The following RORB variants were observed in gnomAD, a reference collection of about 807,000 sequenced individuals.
The protein encoded by RORB is nuclear receptor ROR-beta.
In RORB, 6 loss-of-function variants were observed where a neutral mutation model predicts 59.1. The ratio of observed to expected loss-of-function variants is 0.10; its 90% CI spans 0.06 to 0.20. The LOEUF (loss-of-function observed/expected upper bound fraction) is 0.20, where lower values mean the gene tolerates loss of function less well. Among genes scored for constraint, RORB ranks in the 10% least tolerant of loss-of-function variants. RORB has a pLI of 1.00. For synonymous variants in RORB, 215 were observed against 204.5 expected (o/e 1.05, Z -0.44); for missense variants, 320 against 560.5 (o/e 0.57, Z 4.33).
rs77338003 is a variant in RORB, at chr9:74,550,476, T to C, written c.7+52493T>C. 6.2e-3 allele frequency among the ~76,000 whole-genome samples: 939 copies of C among 152,334 alleles called. 9 individuals carry two copies. The highest frequency in any genetic ancestry group is 0.021 in the African/African-American group (885 of 41,570). On this transcript the variant is annotated intron_variant, in intron 1 of 9. Coordinates refer to ENST00000376896, the MANE Select transcript of RORB (RefSeq NM_006914.4). ...TTTGAAAGCTCTACAAGTGGTCTTA[T>C]CGACTAGCTAGGGTTGAGAAATACT...
intron 1 of RORB, among the ~76,000 whole-genome samples, chr9:74,588,076 A>C (rs1385485415): frequency 6.6e-6 from 1 of 152,168 alleles, no homozygotes; most frequent in Non-Finnish European, 1.5e-5. Flanking sequence ...TTTTTTAAAC[A>C]GTAAGTTTTC....
chr9:74,599,658 T>C (rs1275340673), intron 1 of RORB, among the ~76,000 whole-genome samples: 2 of 152,194 alleles, frequency 1.3e-5, no homozygotes, highest in Non-Finnish European at 2.9e-5. Flanking sequence ...CCAACCACAT[T>C]GTAACCATGT....
At chr9:74,595,109 T>A (rs1023498287) in intron 1 of RORB, among the ~76,000 whole-genome samples, 9 of 152,202 alleles carry the variant, frequency 5.9e-5, no homozygotes, top group Non-Finnish European at 7.3e-5. Flanking sequence ...ACATAAGGTA[T>A]GCTGTGACCT....
intron 1 of RORB, among the ~76,000 whole-genome samples, chr9:74,571,105 A>G (rs1366989164): frequency 6.6e-6 from 1 of 152,112 alleles, no homozygotes; most frequent in Non-Finnish European, 1.5e-5. Flanking sequence ...TCAGTACTGT[A>G]GTTATTGGTG....
chr9:74,665,433 A>G lies in RORB; in HGVS notation c.893-55A>G, dbSNP rs1458746354. On this transcript the variant is annotated intron_variant, in intron 6 of 9. Coordinates refer to ENST00000376896, the MANE Select transcript of RORB (RefSeq NM_006914.4). The stretch of plus-strand genomic sequence containing the variant: ...TATATGCAGTAATAATTTCTTTATT[A>G]TTGGATATATATGTGTATTTTTATT... 4 of 1,073,846 alleles carry G rather than the reference A, an allele frequency of 3.7e-6. No individual in the cohort carries two copies. The African/African-American group carries it at 6.4e-5, about 17-fold the overall frequency. 66.5% of individuals were successfully genotyped at this position (1,073,846 alleles called of 1,614,324 possible).
Position 74,685,666 on chromosome 9 carries a change from G to A in RORB, c.*48G>A. ...TAGTCATGGAATGCATCACCATTAAGACAAAAGCAATGTGTTCATGAAGAC... is the reference window on the plus strand; with the variant it reads ...TAGTCATGGAATGCATCACCATTAAAACAAAAGCAATGTGTTCATGAAGAC... On this transcript the variant is annotated 3_prime_UTR_variant, in exon 10 of 10. Transcript: ENST00000376896. The A allele has an allele frequency of 6.9e-7, 1 of 1,441,262 alleles. No homozygotes were observed. 89.3% of individuals were successfully genotyped at this position (1,441,262 alleles called of 1,614,324 possible).
At chr9:74,509,148 A>G (rs2118034224) in intron 1 of RORB, among the ~76,000 whole-genome samples, 1 of 152,188 alleles carries the variant, frequency 6.6e-6, no homozygotes, top group African/African-American at 2.4e-5. Flanking sequence ...TGGGTAAACC[A>G]TAGCTCTCCA....
At chr9:74,514,776 A>G (rs1476900484) in intron 1 of RORB, among the ~76,000 whole-genome samples, 1 of 151,236 alleles carries the variant, frequency 6.6e-6, no homozygotes, top group Non-Finnish European at 1.5e-5. Context: ...CCCTATTTCT[A>G]GAAGTACTAG....
chr9:74,642,496 A>G lies in RORB; in HGVS notation c.318A>G (p.Glu106=). 6.2e-7 allele frequency: 1 copy of G among 1,614,208 alleles called. No individual in the cohort carries two copies. Among genetic ancestry groups the G allele is most frequent in the Non-Finnish European group, 8.5e-7 (1 of 1,180,008 alleles). Residue 106 remains glutamate, a synonymous_variant, in exon 4 of 10, where the codon GAA becomes GAG. Transcript: ENST00000376896. ...EVQKHQQRLQ[E]QRQQQSGEAE... is the part of the protein sequence containing the mutation. The stretch of plus-strand genomic sequence containing the variant: ...AGAAGCACCAGCAGCGGCTGCAGGA[A>G]CAGCGGCAGCAGCAGAGTGGGGAGG...
intron 1 of RORB, among the ~76,000 whole-genome samples, chr9:74,585,005 C>T (rs1251762585): frequency 6.6e-6 from 1 of 152,192 alleles, no homozygotes; most frequent in Non-Finnish European, 1.5e-5. Flanking sequence ...ACTGGGTCCC[C>T]ATCCCCCGTC....
intron 1 of RORB, among the ~76,000 whole-genome samples, chr9:74,535,806 T>C (rs1826314685): frequency 6.6e-6 from 1 of 152,038 alleles, no homozygotes; most frequent in East Asian, 1.9e-4. Context: ...AATTTATAGG[T>C]TAGTAGTATA....
At chr9:74,542,216 C>T (rs905709596) in intron 1 of RORB, among the ~76,000 whole-genome samples, 1 of 152,016 alleles carries the variant, frequency 6.6e-6, no homozygotes, top group African/African-American at 2.4e-5. Flanking sequence ...ATCTAGATTC[C>T]TTAAGACTTC....
At chr9:74,532,605 A>G (rs1206018985) in intron 1 of RORB, among the ~76,000 whole-genome samples, 3 of 151,658 alleles carry the variant, frequency 2.0e-5, no homozygotes, top group African/African-American at 7.3e-5. Flanking sequence ...GTGTGGTAGC[A>G]TATTCCATGA....
chr9:74,679,453 G>T (rs185794540), intron 9 of RORB, among the ~76,000 whole-genome samples: 2 of 152,216 alleles, frequency 1.3e-5, no homozygotes, highest in Admixed American at 6.5e-5. Flanking sequence ...TTAAACTAAT[G>T]CAAGAATAGG....
At chr9:74,570,564 CA>C (rs1822536228) in intron 1 of RORB, among the ~76,000 whole-genome samples, 1 of 151,960 alleles carries the variant, frequency 6.6e-6, no homozygotes, top group Non-Finnish European at 1.5e-5. Flanking sequence ...TGTGTTATGC[CA>C]AAAAGAGTAT....
intron 1 of RORB, among the ~76,000 whole-genome samples, chr9:74,528,187 C>G (rs1826184877): frequency 6.6e-6 from 1 of 151,890 alleles, no homozygotes; most frequent in African/African-American, 2.4e-5. Flanking sequence ...CAAGAAATTA[C>G]CCAACTTGAG....
In RORB at chr9:74,671,794, G is replaced by A. The variant is rs2118545782; in HGVS notation, c.1117G>A (p.Ala373Thr). ...SSAVLISPDR[A>T]WLIEPRKVQK... The stretch of plus-strand genomic sequence containing the variant: ...CCCACTCTTTCTTTCATCAGACCGA[G>A]CCTGGCTTATAGAACCAAGGAAAGT... The change falls in exon 9 of 10, where the codon GCC becomes ACC. Residue 373 changes from alanine to threonine, a missense_variant. Ala to Thr is a moderately conservative substitution (Grantham distance 58). Transcript: ENST00000376896. 1 of 1,608,558 alleles carries A rather than the reference G, an allele frequency of 6.2e-7. No individual in the cohort carries two copies. The highest frequency in any genetic ancestry group is 8.5e-7 in the Non-Finnish European group (1 of 1,176,066).
At chr9:74,639,540 T>C (rs1441180742) in intron 3 of RORB, among the ~76,000 whole-genome samples, 6 of 152,160 alleles carry the variant, frequency 3.9e-5, no homozygotes, top group Admixed American at 1.3e-4. Flanking sequence ...AATTTATGTT[T>C]TTGTGTTGGA....
At chr9:74,565,995 A>G (rs1320361279) in intron 1 of RORB, among the ~76,000 whole-genome samples, 1 of 152,182 alleles carries the variant, frequency 6.6e-6, no homozygotes, top group Non-Finnish European at 1.5e-5. Context: ...TACTTCATAC[A>G]TTTCAGTATT....
Sources: allele counts gnomAD v4.1 joint callset (sites outside exome capture counted in the v4.1 genomes callset), GRCh38; gene constraint gnomAD v4.1.1; transcripts MANE v1.5; gene names NCBI Gene and HGNC (gene_info 2026-07-23, HGNC 2026-07-21).